HSPBAP1: variants seen among roughly 807,000 people sequenced by gnomAD.
HSPBAP1 encodes the protein HSPB1 associated protein 1.
A neutral mutation model predicts 45.2 loss-of-function variants in HSPBAP1; 27 were observed. The ratio of observed to expected loss-of-function variants is 0.60; its 90% confidence interval spans 0.44 to 0.82. The LOEUF is 0.82. HSPBAP1 is among the 40% of genes least tolerant of loss of function. The pLI, the probability that HSPBAP1 is intolerant of heterozygous loss-of-function variation, is 0.00. For missense variants in HSPBAP1, 510 were observed against 590.9 expected (o/e 0.86, Z 1.42); for synonymous variants, 204 against 202.7 (o/e 1.01, Z -0.06).
chr3:122,740,885 G>A lies in HSPBAP1; in HGVS notation c.937-10C>T, dbSNP rs35887395. 237,789 of 1,611,034 alleles carry A rather than the reference G, an allele frequency of 0.15. 18,159 individuals carry two copies. Among genetic ancestry groups the A allele is most frequent in the African/African-American group, 0.19 (14,409 of 74,710 alleles). ...GGGACGTTTCCTCAACCTAAGGGAA[G>A]AGAAAAACCTTTTAAAATGGTTACA... On this transcript the variant is annotated splice_polypyrimidine_tract_variant and intron_variant, in intron 7 of 7. Transcript: ENST00000306103.
chr3:122,774,303 A>C (rs1471658934), intron 2 of HSPBAP1, among the ~76,000 whole-genome samples: 1 of 152,234 alleles, frequency 6.6e-6, no homozygotes, highest in Non-Finnish European at 1.5e-5. Context: ...GTCAGGAAAA[A>C]TGACATTTAA....
chr3:122,747,488 G>A (rs559589423), intron 6 of HSPBAP1, among the ~76,000 whole-genome samples: 4 of 150,156 alleles, frequency 2.7e-5, no homozygotes, highest in African/African-American at 9.8e-5. Context: ...AGGGAGGTCG[G>A]GGGGGTCAGC....
intron 1 of HSPBAP1, among the ~76,000 whole-genome samples, chr3:122,781,052 A>C (rs1378988166): frequency 7.1e-6 from 1 of 140,166 alleles, no homozygotes; most frequent in East Asian, 2.2e-4. Context: ...CCGGGCAGAG[A>C]AGCTCCTCAC....
chr3:122,744,893 G>A (rs1933791139), intron 6 of HSPBAP1, among the ~76,000 whole-genome samples: 1 of 151,816 alleles, frequency 6.6e-6, no homozygotes, highest in South Asian at 2.1e-4. Flanking sequence ...TCAATATTAG[G>A]CAATCAATTG....
At chr3:122,772,769 T>C (rs1935045958) in intron 2 of HSPBAP1, among the ~76,000 whole-genome samples, 1 of 152,092 alleles carries the variant, frequency 6.6e-6, no homozygotes, top group South Asian at 2.1e-4. Flanking sequence ...TATATAAAAA[T>C]ATAAAACTGT....
intron 1 of HSPBAP1, among the ~76,000 whole-genome samples, chr3:122,790,014 C>T (rs765591112): frequency 1.3e-5 from 2 of 152,118 alleles, no homozygotes; most frequent in Non-Finnish European, 2.9e-5. Flanking sequence ...AAGCGTGTGC[C>T]ACCATGCCCA....
chr3:122,758,895 C>CAAA, intron 4 of HSPBAP1: 4 of 129,854 alleles, frequency 3.1e-5, no homozygotes, highest in Non-Finnish European at 4.7e-5. Context: ...CTCTAATTTA[C>CAAA]CAAAAAAAAA....
intron 1 of HSPBAP1, among the ~76,000 whole-genome samples, chr3:122,792,725 T>A (rs1396078292): frequency 6.6e-6 from 1 of 151,862 alleles, no homozygotes; most frequent in Non-Finnish European, 1.5e-5. Context: ...ATACAAAAAT[T>A]AGCTGGGCGT....
At chr3:122,768,413 C>A (rs1244732344) in intron 3 of HSPBAP1, among the ~76,000 whole-genome samples, 1 of 152,214 alleles carries the variant, frequency 6.6e-6, no homozygotes, top group Non-Finnish European at 1.5e-5. Flanking sequence ...GTTTTATACA[C>A]AATCTATGCT....
intron 4 of HSPBAP1, among the ~76,000 whole-genome samples, chr3:122,758,048 C>T (rs1260592182): frequency 1.3e-5 from 2 of 152,216 alleles, no homozygotes. Flanking sequence ...CTGTAATTCT[C>T]AGAGTTCTTC....
chr3:122,761,344 A>T (rs1209496500), intron 3 of HSPBAP1, among the ~76,000 whole-genome samples: 1 of 147,798 alleles, frequency 6.8e-6, no homozygotes, highest in Admixed American at 6.7e-5. Context: ...CCAACCCCAC[A>T]TGAAAAACCC....
chr3:122,790,264 C>A (rs928888813), intron 1 of HSPBAP1, among the ~76,000 whole-genome samples: 1 of 152,156 alleles, frequency 6.6e-6, no homozygotes, highest in Non-Finnish European at 1.5e-5. Context: ...TTTCCCTCTT[C>A]GTCACTTCAG....
chr3:122,780,144 C>T (rs1473828768), intron 1 of HSPBAP1, among the ~76,000 whole-genome samples: 18 of 121,160 alleles, frequency 1.5e-4, no homozygotes. Context: ...GAGCTGACCC[C>T]CCCACCTCCC....
At chr3:122,753,381 C>T (rs951397643) in intron 5 of HSPBAP1, 3 of 492,632 alleles carry the variant, frequency 6.1e-6, no homozygotes, top group South Asian at 1.2e-4. Context: ...TTAGGGACAG[C>T]GGACTTCAGA....
intron 2 of HSPBAP1, among the ~76,000 whole-genome samples, chr3:122,774,720 C>T (rs962664154): frequency 2.6e-5 from 4 of 152,158 alleles, no homozygotes; most frequent in Non-Finnish European, 5.9e-5. Context: ...AGCAGGGTAA[C>T]GCCCACTAGA....
At chr3:122,759,708 C>G (rs577996585) in intron 3 of HSPBAP1, among the ~76,000 whole-genome samples, 3 of 152,142 alleles carry the variant, frequency 2.0e-5, no homozygotes, top group Non-Finnish European at 4.4e-5. Flanking sequence ...AATAAACAGA[C>G]AGGATTATGC....
At chr3:122,752,968 A>G in intron 5 of HSPBAP1, 2 of 1,088,866 alleles carry the variant, frequency 1.8e-6, no homozygotes, top group Non-Finnish European at 2.2e-6. Flanking sequence ...TGAGATTCTA[A>G]TTTTTCCTCC....
intron 6 of HSPBAP1, among the ~76,000 whole-genome samples, chr3:122,743,082 C>T (rs1933724167): frequency 6.6e-6 from 1 of 152,192 alleles, no homozygotes; most frequent in African/African-American, 2.4e-5. Flanking sequence ...TAACACATAA[C>T]ATTAGATTCA....
At chr3:122,750,467 G>A (rs935356221) in intron 6 of HSPBAP1, among the ~76,000 whole-genome samples, 6 of 152,018 alleles carry the variant, frequency 3.9e-5, no homozygotes, top group African/African-American at 1.4e-4. Context: ...CATATTACCT[G>A]TCTAGATATA....
Sources: allele counts gnomAD v4.1 joint callset (sites outside exome capture counted in the v4.1 genomes callset), GRCh38; gene constraint gnomAD v4.1.1; transcripts MANE v1.5; gene names NCBI Gene and HGNC (gene_info 2026-07-23, HGNC 2026-07-21).